The following IGF1R variants were observed in gnomAD, a reference collection of about 807,000 sequenced individuals.
IGF1R encodes the protein insulin-like growth factor 1 receptor.
IGF1R carries 44 observed loss-of-function variants against 144.6 expected under a neutral mutation model. The observed-to-expected ratio is 0.30, with a 90% CI of 0.24 to 0.39. IGF1R has a LOEUF of 0.39. Ranked by LOEUF, IGF1R falls within the 10% of genes least tolerant of loss-of-function variation. The pLI is 1.00. For synonymous variants in IGF1R, 795 were observed against 722.8 expected, an observed-to-expected ratio of 1.10 and a Z score of -1.60; for missense variants, 1,355 against 1,833.7, an observed-to-expected ratio of 0.74 and a Z score of 4.77.
chr15:98,744,835 A>T (rs1366480166), intron 2 of IGF1R, among the ~76,000 whole-genome samples: 1 of 150,986 alleles, frequency 6.6e-6, no homozygotes, highest in African/African-American at 2.4e-5. Context: ...ATCAAACCTT[A>T]TGAGAAGAAA....
At chr15:98,675,852 G>A (rs192664713) in intron 1 of IGF1R, among the ~76,000 whole-genome samples, 1,332 of 118,682 alleles carry the variant, frequency 0.011, 11 homozygotes, top group Admixed American at 0.025. Flanking sequence ...TTTTGAGAGA[G>A]TCTCGCTCTG....
chr15:98,700,065 A>C (rs532243427), intron 1 of IGF1R, among the ~76,000 whole-genome samples: 1 of 152,330 alleles, frequency 6.6e-6, no homozygotes, highest in East Asian at 1.9e-4. Context: ...AGAAAATTCT[A>C]CTGTAATAAA....
intron 1 of IGF1R, among the ~76,000 whole-genome samples, chr15:98,681,493 C>T (rs150014356): frequency 6.6e-6 from 1 of 152,218 alleles, no homozygotes; most frequent in East Asian, 1.9e-4. Context: ...CAAGGATAAA[C>T]CTCTAAGTTT....
intron 1 of IGF1R, among the ~76,000 whole-genome samples, chr15:98,678,042 C>T (rs930332519): frequency 6.6e-6 from 1 of 152,148 alleles, no homozygotes; most frequent in Non-Finnish European, 1.5e-5. Context: ...AGGTTTTCAT[C>T]ATGTTGAAGA....
At chr15:98,797,006 G>A (rs1253915167) in intron 2 of IGF1R, among the ~76,000 whole-genome samples, 1 of 152,216 alleles carries the variant, frequency 6.6e-6, no homozygotes, top group African/African-American at 2.4e-5. Flanking sequence ...ATTTGGGGGT[G>A]TGGTGCTATG....
In IGF1R at chr15:98,939,388, C is replaced by A. The variant is rs184968692; in HGVS notation, c.3457+28C>A. 282 of 1,612,396 alleles carry A rather than the reference C, an allele frequency of 1.7e-4. 1 individual carries two copies. The African/African-American group carries it at 3.3e-3, about 19-fold the overall frequency. On this transcript the variant is annotated intron_variant, in intron 18 of 20. Transcript: ENST00000650285. Reference sequence around the variant, plus strand: ...GTGTCCTTAGCTTTCCAGGTCTGGGCAAGAACTAAACTCAGGTGTTTTGAG... The same window carrying A: ...GTGTCCTTAGCTTTCCAGGTCTGGGAAAGAACTAAACTCAGGTGTTTTGAG...
At chr15:98,878,374 A>C (rs749845498) in intron 2 of IGF1R, among the ~76,000 whole-genome samples, 2 of 152,240 alleles carry the variant, frequency 1.3e-5, no homozygotes, top group African/African-American at 2.4e-5. Flanking sequence ...AGTTACAAAT[A>C]TAGAATACTC....
At chr15:98,668,962 A>G (rs966686242) in intron 1 of IGF1R, among the ~76,000 whole-genome samples, 2 of 152,194 alleles carry the variant, frequency 1.3e-5, no homozygotes, top group South Asian at 4.1e-4. Flanking sequence ...TTAATTGTTT[A>G]TGAGCATTAA....
At chr15:98,746,585 A>T (rs1012085071) in intron 2 of IGF1R, among the ~76,000 whole-genome samples, 1 of 152,210 alleles carries the variant, frequency 6.6e-6, no homozygotes, top group Non-Finnish European at 1.5e-5. Context: ...AAAATCATCT[A>T]CACCAGTGGA....
chr15:98,835,107 A>ACCCCTACACCCACACCCACC (rs1449966832), intron 2 of IGF1R, among the ~76,000 whole-genome samples: 1 of 134,220 alleles, frequency 7.5e-6, no homozygotes, highest in African/African-American at 3.1e-5. Context: ...ACACACACAC[A>ACCCCTACACCCACACCCACC]CACCCCTACA....
At chr15:98,923,781 C>A in intron 11 of IGF1R, 95 bp from the exon 12 acceptor site, 1 of 983,528 alleles carries the variant, frequency 1.0e-6, no homozygotes, top group East Asian at 2.4e-5. Flanking sequence ...CTGTCCTGCC[C>A]GTGTGGATGG....
At chr15:98,910,088 G>T (rs758450015) in intron 6 of IGF1R, among the ~76,000 whole-genome samples, 8 of 152,204 alleles carry the variant, frequency 5.3e-5, no homozygotes, top group Non-Finnish European at 1.2e-4. Flanking sequence ...GGCTTGTTTC[G>T]CTGGTGTCTG....
At chr15:98,701,516 AT>A (rs2053733118) in intron 1 of IGF1R, among the ~76,000 whole-genome samples, 1 of 151,230 alleles carries the variant, frequency 6.6e-6, no homozygotes, top group Admixed American at 6.6e-5. Flanking sequence ...TTGTTTTTGT[AT>A]TTTTAGTAGA....
intron 2 of IGF1R, among the ~76,000 whole-genome samples, chr15:98,715,074 TGCTCCCA>T (rs1019011323): frequency 6.6e-6 from 1 of 152,202 alleles, no homozygotes; most frequent in African/African-American, 2.4e-5. Context: ...TCTGGTCAGC[TGCTCCCA>T]GTGTGGGGGT....
chr15:98,756,705 C>T lies in IGF1R; in HGVS notation c.640+48598C>T, dbSNP rs1476599949. On this transcript the variant is annotated intron_variant, in intron 2 of 20. Coordinates refer to ENST00000650285, the MANE Select transcript of IGF1R (RefSeq NM_000875.5). ...AGTTTATTAAGTTGAATGCCTGTCT[C>T]ATTTGCTTTTTAGTCTTCTTAAAAT... Among the ~76,000 whole-genome samples, 5 of 152,082 alleles carry T rather than the reference C, an allele frequency of 3.3e-5. No homozygotes were observed. In the East Asian group the frequency reaches 7.7e-4, roughly 23 times the overall value.
At chr15:98,949,848 G>A (rs1388571115) in intron 20 of IGF1R, among the ~76,000 whole-genome samples, 2 of 152,160 alleles carry the variant, frequency 1.3e-5, no homozygotes, top group African/African-American at 4.8e-5. Context: ...CTGTTTTGTG[G>A]CTCAGTGGAG....
At position 98,958,279 on chromosome 15, in the gene IGF1R, C is replaced by T. The variant is rs886051569; in HGVS notation, c.*837C>T. On this transcript the variant is annotated 3_prime_UTR_variant, in exon 21 of 21. Coordinates refer to ENST00000650285, the MANE Select transcript of IGF1R (RefSeq NM_000875.5). ...CAGTGAAGGTGGGGAGAAGCTGAAC[C>T]GGCTTCCCTGCCCTGCCTCCCCAGC... 3.8e-4 allele frequency: 88 copies of T among 231,074 alleles called. No homozygotes were observed. The highest frequency in any genetic ancestry group is 6.5e-4 in the Non-Finnish European group (76 of 116,808). 14.3% of individuals were successfully genotyped at this position (231,074 alleles called of 1,614,324 possible). A position where few individuals can be genotyped will look rare whatever the true frequency, so the allele number is the denominator to read the frequency against.
At chr15:98,936,583 A>C (rs950377733) in intron 17 of IGF1R, among the ~76,000 whole-genome samples, 1 of 150,558 alleles carries the variant, frequency 6.6e-6, no homozygotes, top group Middle Eastern at 3.2e-3. Flanking sequence ...GCCCCTTTGG[A>C]AATTCTTTTG....
intron 1 of IGF1R, among the ~76,000 whole-genome samples, chr15:98,697,936 T>C (rs979181086): frequency 2.0e-5 from 3 of 151,652 alleles, no homozygotes; most frequent in African/African-American, 4.8e-5. Context: ...GGTTTCGCCA[T>C]GTTGGCCAGG....
Sources: gnomAD v4.1 joint callset for allele counts (sites outside exome capture counted in the v4.1 genomes callset) on GRCh38, gnomAD v4.1.1 for gene constraint, MANE v1.5 for transcripts, NCBI Gene and HGNC (gene_info 2026-07-23, HGNC 2026-07-21) for gene names.